The following DAB1 variants were observed in gnomAD, a reference collection of about 807,000 sequenced individuals.
DAB1 encodes disabled homolog 1.
In DAB1, 15 loss-of-function variants were observed where a neutral mutation model predicts 64.6. That is an observed-to-expected ratio of 0.23 (90% CI 0.16 to 0.36). The LOEUF (loss-of-function observed/expected upper bound fraction) is 0.36. Among genes scored for constraint, DAB1 ranks in the 10% least tolerant of loss-of-function variants. The pLI is 1.00. For synonymous variants in DAB1, 235 were observed against 251.9 expected (o/e 0.93, Z 0.64); for missense variants, 596 against 706.7 (o/e 0.84, Z 1.78).
rs1456209851 is a variant in DAB1, at chr1:56,997,993, T to C, written c.*151A>G. ...GTTCCATTGGGCAATCATGAATTTC[T>C]TGTGGGAAGAGGTGAAAGAATACAA... On this transcript the variant is annotated 3_prime_UTR_variant, in exon 15 of 15. Coordinates refer to ENST00000371236, the MANE Select transcript of DAB1 (RefSeq NM_001365792.1). 1 of 152,606 alleles carries C rather than the reference T, an allele frequency of 6.6e-6. No homozygotes were observed. The highest frequency in any genetic ancestry group is 1.9e-4 in the East Asian group (1 of 5,180). 9.5% of individuals were successfully genotyped at this position (152,606 alleles called of 1,614,324 possible). A position where few individuals can be genotyped will look rare whatever the true frequency, so the allele number is the denominator to read the frequency against.
intron 5 of DAB1, among the ~76,000 whole-genome samples, chr1:58,090,793 G>A (rs1447818122): frequency 6.6e-6 from 1 of 152,162 alleles, no homozygotes; most frequent in Non-Finnish European, 1.5e-5. Context: ...AGACTAACAA[G>A]GAGGCAATTT....
chr1:57,435,718 G>A (rs530357786), intron 7 of DAB1, among the ~76,000 whole-genome samples: 1 of 152,180 alleles, frequency 6.6e-6, no homozygotes, highest in East Asian at 1.9e-4. Flanking sequence ...TGATAACAAT[G>A]TCTTCTTCAG....
intron 5 of DAB1, among the ~76,000 whole-genome samples, chr1:58,094,342 C>A (rs74385204): frequency 0.019 from 2,945 of 152,280 alleles, 38 homozygotes; most frequent in Middle Eastern, 0.054. Context: ...GATTGTTTTC[C>A]TGATTGGACC....
At position 57,883,686 on chromosome 1, in the gene DAB1, T is replaced by C. The variant is rs115165275; in HGVS notation, n.87+313A>G. ...GTGAACATTTCTTTTTTCCCTTAAA[T>C]TGGTTTTATTCTAATCCATTTAGTC... On this transcript the variant is annotated intron_variant and non_coding_transcript_variant, in intron 1 of 1. Coordinates refer to the DAB1 transcript ENST00000477280. 7.5e-3 allele frequency among the ~76,000 whole-genome samples: 1,137 copies of C among 152,340 alleles called. 13 individuals carry two copies. Among genetic ancestry groups the C allele is most frequent in the African/African-American group, 0.026 (1,098 of 41,572 alleles).
chr1:58,347,741 C>T (rs1437878851), intron 3 of DAB1, among the ~76,000 whole-genome samples: 1 of 152,224 alleles, frequency 6.6e-6, no homozygotes, highest in Non-Finnish European at 1.5e-5. Flanking sequence ...AAAGACCTCA[C>T]CTCTGTTCAG....
At chr1:57,346,734 A>G (rs978973913) in intron 1 of DAB1, among the ~76,000 whole-genome samples, 3 of 152,218 alleles carry the variant, frequency 2.0e-5, no homozygotes, top group African/African-American at 7.2e-5. Context: ...ATTCACTAAA[A>G]GCTGAGGTTA....
At chr1:58,303,558 T>C (rs2100465433) in intron 4 of DAB1, among the ~76,000 whole-genome samples, 1 of 152,320 alleles carries the variant, frequency 6.6e-6, no homozygotes, top group Non-Finnish European at 1.5e-5. Context: ...CAAAAGATGA[T>C]GTCCAAACCA....
At chr1:57,962,889 CA>C (rs533517596) in intron 5 of DAB1, among the ~76,000 whole-genome samples, 15 of 149,458 alleles carry the variant, frequency 1.0e-4, no homozygotes, top group Non-Finnish European at 1.9e-4. Flanking sequence ...AAAAACAAAA[CA>C]AAAAAAAATA....
At position 57,081,218 on chromosome 1, in the gene DAB1, C is replaced by T. The variant is rs72905241; in HGVS notation, c.307-8804G>A. Among the ~76,000 whole-genome samples the T allele has an allele frequency of 4.1e-3, 626 of 152,260 alleles. 2 individuals carry two copies. The highest frequency in any genetic ancestry group is 0.014 in the Middle Eastern group (4 of 294). On this transcript the variant is annotated intron_variant, in intron 4 of 14. Coordinates refer to ENST00000371236, the MANE Select transcript of DAB1 (RefSeq NM_001365792.1). The stretch of plus-strand genomic sequence containing the variant: ...TGTAAAATGGGAATGATTCCTTTCT[C>T]ATAGGGATATAAGGAAGATCACTTA...
chr1:57,495,900 G>A (rs373865479), intron 7 of DAB1, among the ~76,000 whole-genome samples: 33 of 151,982 alleles, frequency 2.2e-4, no homozygotes, highest in Non-Finnish European at 3.8e-4. Context: ...TTATCCCCAC[G>A]TTCATTTTTG....
At chr1:58,164,054 G>A (rs1336602982) in intron 4 of DAB1, among the ~76,000 whole-genome samples, 1 of 151,948 alleles carries the variant, frequency 6.6e-6, no homozygotes, top group Non-Finnish European at 1.5e-5. Flanking sequence ...CAACCCTTAG[G>A]CTTAAAAATA....
At chr1:58,300,868 C>T (rs932450764) in intron 4 of DAB1, among the ~76,000 whole-genome samples, 1 of 152,086 alleles carries the variant, frequency 6.6e-6, no homozygotes, top group Admixed American at 6.5e-5. Flanking sequence ...ATCCCGCCCA[C>T]ATGCACTCTG....
chr1:58,260,064 G>A (rs986969186), intron 4 of DAB1, among the ~76,000 whole-genome samples: 10 of 152,034 alleles, frequency 6.6e-5, no homozygotes, highest in Non-Finnish European at 2.9e-5. Flanking sequence ...TAGGAGAGCT[G>A]GGATATAAAC....
At chr1:57,183,999 A>AT (rs1235604500) in intron 2 of DAB1, among the ~76,000 whole-genome samples, 1 of 152,092 alleles carries the variant, frequency 6.6e-6, no homozygotes, top group Non-Finnish European at 1.5e-5. Flanking sequence ...TAACAGATCA[A>AT]TTTTTCTAAC....
At chr1:57,721,837 G>C (rs905867914) in intron 6 of DAB1, among the ~76,000 whole-genome samples, 1 of 152,124 alleles carries the variant, frequency 6.6e-6, no homozygotes, top group Non-Finnish European at 1.5e-5. Flanking sequence ...TGATTAATCT[G>C]GCCAGTTGGT....
At chr1:57,584,923 G>A (rs112579602) in intron 7 of DAB1, among the ~76,000 whole-genome samples, 19 of 147,060 alleles carry the variant, frequency 1.3e-4, no homozygotes, top group African/African-American at 4.7e-4. Context: ...CTCACTGGAA[G>A]CAAATTCCTC....
At chr1:57,226,544 G>A (rs1034337792) in intron 2 of DAB1, among the ~76,000 whole-genome samples, 18 of 151,806 alleles carry the variant, frequency 1.2e-4, no homozygotes, top group Admixed American at 5.2e-4. Flanking sequence ...TCTTTGGTCT[G>A]AGCCATTTGC....
At chr1:57,725,758 CT>C (rs35572928) in intron 6 of DAB1, among the ~76,000 whole-genome samples, 2,548 of 146,646 alleles carry the variant, frequency 0.017, 63 homozygotes, top group African/African-American at 0.059. Context: ...CTTTTCTTTT[CT>C]TTTTTTTTTT....
In DAB1 at chr1:57,731,338, TG is replaced by T. The variant is rs145305809; in HGVS notation, n.552-81674del. 1.1e-3 allele frequency among the ~76,000 whole-genome samples: 172 copies of T among 152,248 alleles called. 1 individual carries two copies. The highest frequency in any genetic ancestry group is 4.0e-3 in the African/African-American group (168 of 41,518). On this transcript the variant is annotated intron_variant and non_coding_transcript_variant, in intron 6 of 20. Coordinates refer to the DAB1 transcript ENST00000485760. Reference sequence around the variant, plus strand: ...ACAGGGCCTGGGGGTGGGGAATTATTGTTTAATGAGTACAGAGTATCAGTTA... The same window carrying T: ...ACAGGGCCTGGGGGTGGGGAATTATTTTTAATGAGTACAGAGTATCAGTTA...
Sources: gnomAD v4.1 joint callset for allele counts (sites outside exome capture counted in the v4.1 genomes callset) on GRCh38, gnomAD v4.1.1 for gene constraint, MANE v1.5 for transcripts, NCBI Gene and HGNC (gene_info 2026-07-23, HGNC 2026-07-21) for gene names.